ZCCHC14: variants seen among roughly 807,000 people sequenced by gnomAD.
ZCCHC14 encodes zinc finger CCHC domain-containing protein 14.
ZCCHC14 carries 16 observed loss-of-function variants against 85.0 expected under a neutral mutation model. The ratio of observed to expected loss-of-function variants is 0.19; its 90% CI spans 0.13 to 0.29. The LOEUF (loss-of-function observed/expected upper bound fraction) is 0.29. ZCCHC14 is among the 10% of genes least tolerant of loss of function. The probability of loss-of-function intolerance (pLI) is 1.00; values close to 1 mark genes in which losing one functional copy is unlikely to be tolerated. For synonymous variants in ZCCHC14, 775 were observed against 630.7 expected (o/e 1.23, Z -3.43); for missense variants, 1,303 against 1,443.5 (o/e 0.90, Z 1.58).
intron 1 of ZCCHC14, chr16:87,472,164 C>G (rs558752529): frequency 6.6e-6 from 1 of 152,362 alleles, no homozygotes; most frequent in Non-Finnish European, 1.5e-5. Context: ...AAGTGTCAAC[C>G]TCCTGTAGTG....
At chr16:87,424,936 C>T (rs1160802890) in intron 3 of ZCCHC14, among the ~76,000 whole-genome samples, 3 of 152,200 alleles carry the variant, frequency 2.0e-5, no homozygotes, top group South Asian at 2.1e-4. Context: ...CAAAAGAAAA[C>T]GCTGTATTAA....
chr16:87,412,720 C>T lies in ZCCHC14; in HGVS notation c.2001G>A (p.Val667=). The T allele has an allele frequency of 6.2e-7, 1 of 1,614,224 alleles. No homozygotes were observed. Reference sequence around the variant, plus strand: ...TTTCTTCTAGAGACAAAAGTGAGTGCACAGAAGACGAGAGGAGCTTCATGT... The same window carrying T: ...TTTCTTCTAGAGACAAAAGTGAGTGTACAGAAGACGAGAGGAGCTTCATGT... ...SADMKLLSSS[V]HSLLSLEERN... Residue 667 remains valine (V), a synonymous_variant, in exon 12 of 13, where the codon GTG becomes GTA. Coordinates refer to ENST00000671377, the MANE Select transcript of ZCCHC14 (RefSeq NM_015144.3).
rs1457340037 is a variant in ZCCHC14 at position 87,406,825 on chromosome 16, G to C, written c.*3455C>G. ...ACAAATTCGCCTCTTCAGAACCCAT[G>C]GCTTTCAGTGCCACCTGACTCATTC... On this transcript the variant is annotated 3_prime_UTR_variant, in exon 13 of 13. Coordinates refer to ENST00000671377, the MANE Select transcript of ZCCHC14 (RefSeq NM_015144.3). 2 of 152,186 alleles carry C rather than the reference G, an allele frequency of 1.3e-5. No homozygotes were observed. The highest frequency in any genetic ancestry group is 4.8e-5 in the African/African-American group (2 of 41,424). The allele number at this position is 152,186 out of a possible 1,614,324, so 9.4% of individuals were successfully genotyped here. A position where few individuals can be genotyped will look rare whatever the true frequency, so the allele number is the denominator to read the frequency against.
chr16:87,431,805 C>T (rs1053959983), intron 3 of ZCCHC14, among the ~76,000 whole-genome samples: 10 of 152,168 alleles, frequency 6.6e-5, no homozygotes, highest in Admixed American at 2.0e-4. Flanking sequence ...TCACTGGGAC[C>T]GCTGCTGGGT....
chr16:87,471,584 C>G (rs991548920), intron 1 of ZCCHC14: 1 of 152,322 alleles, frequency 6.6e-6, no homozygotes, highest in African/African-American at 2.4e-5. Flanking sequence ...CCGGCCCCAA[C>G]TGCCCACCCG....
intron 1 of ZCCHC14, among the ~76,000 whole-genome samples, chr16:87,477,354 C>A (rs1324720941): frequency 6.6e-6 from 1 of 152,178 alleles, no homozygotes; most frequent in East Asian, 1.9e-4. Context: ...GGGAGAGGAG[C>A]TTTGTCACCA....
At chr16:87,475,359 C>G (rs977930352) in intron 1 of ZCCHC14, among the ~76,000 whole-genome samples, 1 of 152,060 alleles carries the variant, frequency 6.6e-6, no homozygotes, top group African/African-American at 2.4e-5. Flanking sequence ...CGAGACTAGC[C>G]TGGCCAACAT....
At chr16:87,462,766 GAAA>G (rs987622744) in intron 1 of ZCCHC14, among the ~76,000 whole-genome samples, 1 of 138,160 alleles carries the variant, frequency 7.2e-6, no homozygotes, top group Non-Finnish European at 1.6e-5. Flanking sequence ...AAAGAAAAAA[GAAA>G]AAAAACAAAC....
intron 1 of ZCCHC14, among the ~76,000 whole-genome samples, chr16:87,488,039 G>A (rs1003984089): frequency 1.3e-5 from 2 of 152,306 alleles, no homozygotes; most frequent in African/African-American, 4.8e-5. Context: ...AACGTTCAGT[G>A]GCAGTGGTCG....
At chr16:87,413,393 C>T (rs556050229) in intron 10 of ZCCHC14, among the ~76,000 whole-genome samples, 198 bp from the exon 11 acceptor site, 2 of 152,348 alleles carry the variant, frequency 1.3e-5, no homozygotes, top group South Asian at 4.1e-4. Flanking sequence ...ATGCTCAACA[C>T]CCGCTCAGCC....
chr16:87,430,804 G>C (rs1452420871), intron 3 of ZCCHC14, among the ~76,000 whole-genome samples: 1 of 152,066 alleles, frequency 6.6e-6, no homozygotes, highest in Non-Finnish European at 1.5e-5. Context: ...TTACAGGTGT[G>C]AGCCACTGTG....
At chr16:87,437,244 G>A (rs1361244388) in intron 2 of ZCCHC14, among the ~76,000 whole-genome samples, 1 of 149,482 alleles carries the variant, frequency 6.7e-6, no homozygotes, top group Non-Finnish European at 1.5e-5. Flanking sequence ...GCTGAGGCAG[G>A]AGAATCACTT....
At chr16:87,459,308 T>A (rs1156509441) in intron 2 of ZCCHC14, among the ~76,000 whole-genome samples, 1 of 151,466 alleles carries the variant, frequency 6.6e-6, no homozygotes, top group African/African-American at 2.4e-5. Flanking sequence ...ATGATTTCCA[T>A]GTGGGGTGGG....
At chr16:87,425,087 G>A (rs1021261576) in intron 3 of ZCCHC14, among the ~76,000 whole-genome samples, 6 of 151,996 alleles carry the variant, frequency 3.9e-5, no homozygotes, top group Admixed American at 3.3e-4. Context: ...GGCCAGTCTC[G>A]TCACATCACG....
At chr16:87,485,590 C>CAAAAAA (rs35083614) in intron 1 of ZCCHC14, among the ~76,000 whole-genome samples, 37 of 98,622 alleles carry the variant, frequency 3.8e-4, no homozygotes, top group African/African-American at 1.1e-3. Context: ...GGCAGTTTTC[C>CAAAAAA]AAAAAAAAAA....
At chr16:87,418,703 A>G (rs957869215) in intron 7 of ZCCHC14, 144 bp downstream of exon 7, 5 of 874,056 alleles carry the variant, frequency 5.7e-6, no homozygotes, top group Non-Finnish European at 9.0e-6. Context: ...CGTAAATTCA[A>G]TCATCTCTAC....
intron 2 of ZCCHC14, among the ~76,000 whole-genome samples, chr16:87,452,071 T>C (rs1343657605): frequency 1.3e-5 from 2 of 152,128 alleles, no homozygotes; most frequent in African/African-American, 4.8e-5. Flanking sequence ...AGTGACGCAG[T>C]GTGTACTGGA....
intron 8 of ZCCHC14, 151 bp downstream of exon 8, chr16:87,417,309 G>C: frequency 7.5e-6 from 9 of 1,197,200 alleles, no homozygotes; most frequent in Non-Finnish European, 1.0e-5. Flanking sequence ...GGCGGCCTCC[G>C]CAAAGCCCAC....
intron 2 of ZCCHC14, among the ~76,000 whole-genome samples, chr16:87,446,955 G>A (rs1361712031): frequency 2.6e-5 from 4 of 152,084 alleles, no homozygotes; most frequent in Admixed American, 2.6e-4. Flanking sequence ...AAGAAGTGCT[G>A]GGATTACAGG....
Sources: gnomAD v4.1 joint callset for allele counts (sites outside exome capture counted in the v4.1 genomes callset) on GRCh38, gnomAD v4.1.1 for gene constraint, MANE v1.5 for transcripts, NCBI Gene and HGNC (gene_info 2026-07-23, HGNC 2026-07-21) for gene names.